EGFL6: variants seen among roughly 807,000 people sequenced by gnomAD.
The protein encoded by EGFL6 is EGF like domain multiple 6.
A neutral mutation model predicts 43.1 loss-of-function variants in EGFL6; 42 were observed. The observed-to-expected ratio is 0.98, with a 90% CI of 0.76 to 1.26. The LOEUF (loss-of-function observed/expected upper bound fraction) is 1.26. Ranked by LOEUF, EGFL6 falls within the 50% of genes most tolerant of loss-of-function variation. EGFL6 has a pLI of 0.00. For missense variants in EGFL6, 429 were observed against 427.8 expected (o/e 1.00, Z -0.02); for synonymous variants, 164 against 163.2 (o/e 1.01, Z -0.04).
chrX:13,589,029 G>T (rs1398488107), intron 1 of EGFL6, among the ~76,000 whole-genome samples: 1 of 112,021 alleles, frequency 8.9e-6, no homozygotes, highest in East Asian at 2.8e-4. Flanking sequence ...CTCTGCTGGG[G>T]ATGTGACTCC....
intron 2 of EGFL6, among the ~76,000 whole-genome samples, chrX:13,593,470 G>A (rs1230332752): frequency 9.0e-6 from 1 of 111,564 alleles, no homozygotes; most frequent in East Asian, 2.8e-4. Context: ...GCTAGGCAGA[G>A]ATATGGTTTC....
intron 9 of EGFL6, among the ~76,000 whole-genome samples, chrX:13,620,819 C>T (rs2045745038): frequency 1.8e-5 from 2 of 111,829 alleles, no homozygotes; most frequent in South Asian, 7.4e-4. Context: ...GTTGACTCCT[C>T]TTTCGATCCC....
chrX:13,621,841 A>C (rs181465256), intron 9 of EGFL6, among the ~76,000 whole-genome samples: 1 of 112,786 alleles, frequency 8.9e-6, no homozygotes, highest in East Asian at 2.8e-4. Context: ...AATATATGTG[A>C]AAGCACTTTC....
chrX:13,574,256 C>G (rs1380980533), intron 1 of EGFL6, among the ~76,000 whole-genome samples: 1 of 112,028 alleles, frequency 8.9e-6, no homozygotes, highest in Non-Finnish European at 1.9e-5. Flanking sequence ...ACTGTGCACA[C>G]AGGAAGAGCT....
chrX:13,592,009 C>T (rs1242912755), intron 2 of EGFL6, among the ~76,000 whole-genome samples: 2 of 111,682 alleles, frequency 1.8e-5, no homozygotes, highest in African/African-American at 6.5e-5. Flanking sequence ...TAAACACAAA[C>T]TGAATTTCCC....
At chrX:13,570,043 C>CGT (rs2045431929) in intron 1 of EGFL6, 108 bp downstream of exon 1, 1 of 745,741 alleles carries the variant, frequency 1.3e-6, no homozygotes, top group African/African-American at 2.1e-5. Context: ...TGAGTGTGCA[C>CGT]GTGTGCCTGT....
chrX:13,586,127 G>T (rs2045532078), intron 1 of EGFL6, among the ~76,000 whole-genome samples: 1 of 111,831 alleles, frequency 8.9e-6, no homozygotes, highest in African/African-American at 3.3e-5. Context: ...ATCCAAAGAA[G>T]ATATACAAAT....
intron 9 of EGFL6, among the ~76,000 whole-genome samples, chrX:13,623,617 C>T (rs941786942): frequency 1.9e-5 from 2 of 107,579 alleles, no homozygotes; most frequent in African/African-American, 6.8e-5. Flanking sequence ...CGTGATCTGC[C>T]TACCTCAGCC....
Position 13,603,449 on chromosome X carries a change from G to A in EGFL6, c.520+13G>A, listed in dbSNP as rs2045644904. 8.4e-7 allele frequency: 1 copy of A among 1,192,925 alleles called. No homozygotes were observed. Among genetic ancestry groups the A allele is most frequent in the East Asian group, 3.0e-5 (1 of 33,314 alleles). ...AGAGACTGTCTAGGTACAACAGCAG[G>A]AATCACCTCTACTCCTCCTTCTCCT... On this transcript the variant is annotated intron_variant, in intron 5 of 11. Transcript: ENST00000361306.
Position 13,633,063 on chromosome X carries a change from T to TGG in EGFL6, c.1631_1632insGG (p.Cys544TrpfsTer19). 8.3e-7 allele frequency: 1 copy of TGG among 1,203,155 alleles called. No individual in the cohort carries two copies. The highest frequency in any genetic ancestry group is 1.1e-6 in the Non-Finnish European group (1 of 892,665). On this transcript the variant is annotated frameshift_variant, in exon 12 of 12. Coordinates refer to ENST00000361306, the MANE Select transcript of EGFL6 (RefSeq NM_015507.4). LOFTEE classifies it high-confidence loss of function. Reference sequence around the variant, plus strand: ...TGGCGTCTTGCTTGTTTCAGGCTTATGTCCAGATAGCCTTTTATCTGTGGA... The same window carrying TGG: ...TGGCGTCTTGCTTGTTTCAGGCTTATGGGTCCAGATAGCCTTTTATCTGTGGA...
chrX:13,607,537 C>T (rs1444903517), intron 6 of EGFL6, among the ~76,000 whole-genome samples: 1 of 111,242 alleles, frequency 9.0e-6, no homozygotes, highest in Non-Finnish European at 1.9e-5. Flanking sequence ...CCCATGCCCT[C>T]CTGCAGACCA....
intron 4 of EGFL6, 152 bp from the exon 5 acceptor site, chrX:13,603,165 T>C (rs957572425): frequency 1.5e-6 from 1 of 649,980 alleles, no homozygotes; most frequent in Non-Finnish European, 2.2e-6. Flanking sequence ...CTGATCCCTT[T>C]TGGCTCTCCA....
At position 13,620,270 on chromosome X, in the gene EGFL6, A is replaced by G. The variant is rs142564005; in HGVS notation, c.1183+1027A>G. Reference sequence around the variant, plus strand: ...GCCCATTTATATATTTATCCCTTTCACTTGGTATAAGTATGAATGCCTTGA... The same window carrying G: ...GCCCATTTATATATTTATCCCTTTCGCTTGGTATAAGTATGAATGCCTTGA... On this transcript the variant is annotated intron_variant, in intron 9 of 11. Coordinates refer to ENST00000361306, the MANE Select transcript of EGFL6 (RefSeq NM_015507.4). Among the ~76,000 whole-genome samples the G allele has an allele frequency of 6.6e-3, 737 of 111,504 alleles. 3 individuals carry two copies. Among genetic ancestry groups the G allele is most frequent in the Admixed American group, 0.024 (253 of 10,569 alleles).
rs1310818139 is a variant in EGFL6, at chrX:13,626,467, G to T, written c.1286-544G>T. Among the ~76,000 whole-genome samples the T allele has an allele frequency of 5.3e-5, 6 of 112,284 alleles. No individual in the cohort carries two copies. The South Asian group carries it at 1.5e-3, about 28-fold the overall frequency. On this transcript the variant is annotated intron_variant, in intron 10 of 11. Coordinates refer to ENST00000361306, the MANE Select transcript of EGFL6 (RefSeq NM_015507.4). ...CTTAGAAGATTTGCAGGATTTGAAGGAGAGTGTTCCTGTCATCCTAAATCA... is the reference window on the plus strand; with the variant it reads ...CTTAGAAGATTTGCAGGATTTGAAGTAGAGTGTTCCTGTCATCCTAAATCA...
chrX:13,624,571 T>C (rs2045768132), intron 10 of EGFL6, among the ~76,000 whole-genome samples: 1 of 111,549 alleles, frequency 9.0e-6, no homozygotes, highest in South Asian at 3.8e-4. Context: ...ACCCTAACTA[T>C]CCCCTTAGTG....
At chrX:13,627,800 G>A (rs1263331412) in intron 11 of EGFL6, among the ~76,000 whole-genome samples, 2 of 111,779 alleles carry the variant, frequency 1.8e-5, no homozygotes, top group Admixed American at 9.5e-5. Context: ...ATCAGTAGAG[G>A]GAAAAGACAC....
Position 13,608,403 on chromosome X carries a change from T to G in EGFL6, c.735T>G (p.Cys245Trp), listed in dbSNP as rs1488330497. ...NCFNTQGSFK[C>W]KCKQGYKGNG... ...TCAATACCCAAGGGTCCTTCAAGTG[T>G]AAATGCAAGCAGGGATATAAAGGCA... Residue 245 changes from cysteine to tryptophan, a missense_variant, in exon 7 of 12, where the codon TGT becomes TGG. Cys to Trp is a radical substitution (Grantham distance 215). Coordinates refer to ENST00000361306, the MANE Select transcript of EGFL6 (RefSeq NM_015507.4). 2 of 1,209,699 alleles carry G rather than the reference T, an allele frequency of 1.7e-6. No individual in the cohort carries two copies. The highest frequency in any genetic ancestry group is 2.2e-6 in the Non-Finnish European group (2 of 895,060).
At chrX:13,601,656 G>A (rs2045634836) in intron 4 of EGFL6, among the ~76,000 whole-genome samples, 1 of 112,077 alleles carries the variant, frequency 8.9e-6, no homozygotes, top group Non-Finnish European at 1.9e-5. Flanking sequence ...TAGATCTTCT[G>A]CTAGCAAGCA....
At chrX:13,608,237 C>T in intron 6 of EGFL6, 87 bp from the exon 7 acceptor site, 1 of 1,108,889 alleles carries the variant, frequency 9.0e-7, no homozygotes, top group South Asian at 2.2e-5. Flanking sequence ...GTGTTTAGTG[C>T]TTGGCCCTAC....
Sources: allele counts gnomAD v4.1 joint callset (sites outside exome capture counted in the v4.1 genomes callset), GRCh38; gene constraint gnomAD v4.1.1; transcripts MANE v1.5; gene names NCBI Gene and HGNC (gene_info 2026-07-23, HGNC 2026-07-21).